The following KANSL2 variants were observed in gnomAD, a reference collection of about 807,000 sequenced individuals.
KANSL2 encodes the protein KAT8 regulatory NSL complex subunit 2, also known as NSL complex protein NSL2.
In KANSL2, 34 loss-of-function variants were observed where a neutral mutation model predicts 55.6. The observed-to-expected ratio is 0.61, with a 90% confidence interval of 0.46 to 0.81. The LOEUF is 0.81. KANSL2 is among the 40% of genes least tolerant of loss of function. The probability of loss-of-function intolerance (pLI) is 0.00; values close to 1 mark genes in which losing one functional copy is unlikely to be tolerated. For missense variants in KANSL2, 502 were observed against 609.9 expected, an observed-to-expected ratio of 0.82 and a Z score of 1.86; for synonymous variants, 209 against 214.3, an observed-to-expected ratio of 0.98 and a Z score of 0.22.
At chr12:48,680,322 G>A (rs1939898196) in intron 2 of KANSL2, among the ~76,000 whole-genome samples, 1 of 152,064 alleles carries the variant, frequency 6.6e-6, no homozygotes, top group Non-Finnish European at 1.5e-5. Context: ...CTCCCAAGTA[G>A]TGGGGACTAC....
intron 7 of KANSL2, chr12:48,662,796 A>C: frequency 2.5e-6 from 1 of 400,302 alleles, no homozygotes; most frequent in South Asian, 2.9e-5. Context: ...TTAATAAGCT[A>C]TTTGACTACA....
At chr12:48,667,342 C>T in intron 7 of KANSL2, 1 of 296,776 alleles carries the variant, frequency 3.4e-6, no homozygotes, top group Non-Finnish European at 6.7e-6. Flanking sequence ...CATTAGGATC[C>T]TAATAAGCAA....
At chr12:48,680,745 G>A (rs1392646894) in intron 2 of KANSL2, among the ~76,000 whole-genome samples, 1 of 152,058 alleles carries the variant, frequency 6.6e-6, no homozygotes, top group African/African-American at 2.4e-5. Flanking sequence ...GGGAGGCCGA[G>A]GCGGATGGAT....
At chr12:48,681,118 TA>T (rs1057233108) in intron 2 of KANSL2, 8,923 of 131,286 alleles carry the variant, frequency 0.068, 32 homozygotes, top group South Asian at 0.14. Context: ...CCATCTCTCT[TA>T]AAAAAAAAAA....
chr12:48,660,704 A>C, intron 7 of KANSL2, 85 bp from the exon 8 acceptor site: 1 of 1,366,840 alleles, frequency 7.3e-7, no homozygotes, highest in Non-Finnish European at 1.0e-6. Context: ...ATAAAACTCA[A>C]GGTGTGGACT....
chr12:48,659,826 A>C (rs1939455727), intron 8 of KANSL2, among the ~76,000 whole-genome samples: 1 of 152,238 alleles, frequency 6.6e-6, no homozygotes, highest in Non-Finnish European at 1.5e-5. Flanking sequence ...AAAAGGAATG[A>C]AGTATTGATA....
chr12:48,654,518 C>A (rs1375033768), intron 9 of KANSL2: 1 of 627,120 alleles, frequency 1.6e-6, no homozygotes, highest in African/African-American at 1.8e-5. Flanking sequence ...GTCAGGGCCA[C>A]TGGAATTCTA....
chr12:48,681,646 G>C lies in KANSL2; in HGVS notation c.-9-5C>G, dbSNP rs199711246. On this transcript the variant is annotated splice_polypyrimidine_tract_variant and splice_region_variant and intron_variant, in intron 1 of 9. Transcript: ENST00000420613. ...AATCCTGTTCATAACCAAAACCTGC[G>C]GGGTCAAACGAAAGACCAAAAAGCC... 6.2e-7 allele frequency: 1 copy of C among 1,613,910 alleles called. No individual in the cohort carries two copies. The highest frequency in any genetic ancestry group is 1.3e-5 in the African/African-American group (1 of 75,026).
chr12:48,674,018 C>T (rs1348639216), intron 4 of KANSL2, among the ~76,000 whole-genome samples: 2 of 151,934 alleles, frequency 1.3e-5, no homozygotes, highest in Non-Finnish European at 2.9e-5. Context: ...TTTCACTCAC[C>T]GTCTGATCAT....
chr12:48,675,882 C>T (rs1052427499), intron 4 of KANSL2, among the ~76,000 whole-genome samples: 5 of 152,180 alleles, frequency 3.3e-5, no homozygotes, highest in African/African-American at 1.2e-4. Context: ...AAGAGGGTCT[C>T]ACCTTATATT....
chr12:48,679,441 T>C (rs1939881624), intron 3 of KANSL2, among the ~76,000 whole-genome samples: 1 of 152,056 alleles, frequency 6.6e-6, no homozygotes, highest in Non-Finnish European at 1.5e-5. Flanking sequence ...AAAAAAGCAA[T>C]GAAAGAAATG....
At chr12:48,680,311 C>A (rs1474959062) in intron 2 of KANSL2, among the ~76,000 whole-genome samples, 3 of 152,124 alleles carry the variant, frequency 2.0e-5, no homozygotes, top group Admixed American at 2.0e-4. Context: ...CCCACCTCAG[C>A]CTCCCAAGTA....
At chr12:48,656,778 G>C (rs374982022) in intron 8 of KANSL2, 1 of 506,746 alleles carries the variant, frequency 2.0e-6, no homozygotes, top group Non-Finnish European at 3.9e-6. Context: ...TTGATTCAGG[G>C]CCTAAGGCAA....
At chr12:48,662,789 A>G in intron 7 of KANSL2, 1 of 443,196 alleles carries the variant, frequency 2.3e-6, no homozygotes, top group East Asian at 1.0e-4. Flanking sequence ...TTATATTTTA[A>G]TAAGCTATTT....
intron 7 of KANSL2, among the ~76,000 whole-genome samples, chr12:48,665,142 T>C (rs1375579284): frequency 1.3e-5 from 2 of 152,282 alleles, no homozygotes; most frequent in East Asian, 3.9e-4. Context: ...ATTTTATATA[T>C]TAAGAACAAT....
intron 7 of KANSL2, among the ~76,000 whole-genome samples, chr12:48,666,588 G>A (rs921208354): frequency 6.6e-6 from 1 of 151,506 alleles, no homozygotes; most frequent in Non-Finnish European, 1.5e-5. Context: ...AGCTACTCAG[G>A]AGGATGACAC....
chr12:48,665,970 T>C (rs542744334), intron 7 of KANSL2, among the ~76,000 whole-genome samples: 49 of 152,242 alleles, frequency 3.2e-4, no homozygotes, highest in African/African-American at 1.1e-3. Flanking sequence ...CCTAGCACTT[T>C]GGGAGGCTGA....
chr12:48,668,799 T>C (rs978884441), intron 6 of KANSL2, among the ~76,000 whole-genome samples: 1 of 152,108 alleles, frequency 6.6e-6, no homozygotes, highest in African/African-American at 2.4e-5. Flanking sequence ...CCCAACACTT[T>C]GGGAGGCCGA....
At chr12:48,669,076 A>C in intron 6 of KANSL2, 30 bp downstream of exon 6, 1 of 1,464,844 alleles carries the variant, frequency 6.8e-7, no homozygotes, top group Non-Finnish European at 9.1e-7. Flanking sequence ...AAGTGAACGT[A>C]TATACCTTAA....
Sources: gnomAD v4.1 joint callset for allele counts (sites outside exome capture counted in the v4.1 genomes callset) on GRCh38, gnomAD v4.1.1 for gene constraint, MANE v1.5 for transcripts, NCBI Gene and HGNC (gene_info 2026-07-23, HGNC 2026-07-21) for gene names.